The following ADAMTS17 variants were observed in gnomAD, a reference collection of about 807,000 sequenced individuals.
ADAMTS17 encodes the protein A disintegrin and metalloproteinase with thrombospondin motifs 17.
In ADAMTS17, 113 loss-of-function variants were observed where a neutral mutation model predicts 141.5. That is an observed-to-expected ratio of 0.80 (90% CI 0.69 to 0.93). The LOEUF is 0.93. ADAMTS17 is among the 40% of genes least tolerant of loss of function. ADAMTS17 has a pLI of 0.00. For missense variants in ADAMTS17, 1,659 were observed against 1,517.9 expected, an observed-to-expected ratio of 1.09 and a Z score of -1.54; for synonymous variants, 768 against 630.6, an observed-to-expected ratio of 1.22 and a Z score of -3.27.
intron 9 of ADAMTS17, among the ~76,000 whole-genome samples, chr15:100,153,303 T>TG (rs2039275888): frequency 6.6e-6 from 1 of 152,050 alleles, no homozygotes; most frequent in African/African-American, 2.4e-5. Flanking sequence ...GGATTTCAAC[T>TG]GGGGTGGGAG....
chr15:100,301,336 TA>T (rs1567509728), intron 3 of ADAMTS17, among the ~76,000 whole-genome samples: 1 of 148,880 alleles, frequency 6.7e-6, no homozygotes. Context: ...TATATATATA[TA>T]TATTTTTCTG....
chr15:100,004,439 C>T (rs773070257), intron 18 of ADAMTS17, among the ~76,000 whole-genome samples: 1 of 152,162 alleles, frequency 6.6e-6, no homozygotes, highest in African/African-American at 2.4e-5. Flanking sequence ...AGTCAAATCA[C>T]GTTGACTTTA....
At chr15:100,233,220 C>G (rs910236864) in intron 7 of ADAMTS17, among the ~76,000 whole-genome samples, 1 of 151,966 alleles carries the variant, frequency 6.6e-6, no homozygotes, top group Non-Finnish European at 1.5e-5. Context: ...ACCCCAGGTA[C>G]TCAGGATGCT....
At chr15:100,304,665 A>G (rs1255457689) in intron 3 of ADAMTS17, among the ~76,000 whole-genome samples, 2 of 152,156 alleles carry the variant, frequency 1.3e-5, no homozygotes, top group African/African-American at 2.4e-5. Context: ...CCTCACAGTT[A>G]TTCTCATCGC....
chr15:100,175,876 A>G lies in ADAMTS17; in HGVS notation c.1182-20556T>C, dbSNP rs185014435. 3.2e-3 allele frequency among the ~76,000 whole-genome samples: 490 copies of G among 152,144 alleles called. 5 individuals carry two copies. The highest frequency in any genetic ancestry group is 0.012 in the African/African-American group (480 of 41,478). On this transcript the variant is annotated intron_variant, in intron 8 of 21. Coordinates refer to ENST00000268070, the MANE Select transcript of ADAMTS17 (RefSeq NM_139057.4). The stretch of plus-strand genomic sequence containing the variant: ...CCTCCAGTCCCAAGGCAGATTCATC[A>G]TTCTCAATGTCACAGGCATGTAAAC...
chr15:100,173,707 C>T (rs2040239416), intron 8 of ADAMTS17, among the ~76,000 whole-genome samples: 1 of 152,192 alleles, frequency 6.6e-6, no homozygotes, highest in African/African-American at 2.4e-5. Flanking sequence ...TGTAAGCATC[C>T]CACTGTGGCT....
chr15:100,049,018 A>G (rs2031933861), intron 17 of ADAMTS17, 26 bp from the exon 18 acceptor site: 9 of 1,614,162 alleles, frequency 5.6e-6, no homozygotes, highest in Non-Finnish European at 7.6e-6. Flanking sequence ...CAGGGAGCTG[A>G]GAGACTGTGG....
intron 16 of ADAMTS17, among the ~76,000 whole-genome samples, chr15:100,052,112 C>CA (rs2032195196): frequency 6.6e-6 from 1 of 152,242 alleles, no homozygotes; most frequent in Non-Finnish European, 1.5e-5. Flanking sequence ...CCCTTGCAGA[C>CA]AGGAAAGACA....
chr15:100,042,581 T>G (rs988650410), intron 18 of ADAMTS17, among the ~76,000 whole-genome samples: 10 of 152,228 alleles, frequency 6.6e-5, no homozygotes, highest in African/African-American at 2.4e-4. Flanking sequence ...TAGCTTCTTT[T>G]TAGTACATCT....
rs1366382125 is a variant in ADAMTS17, at chr15:100,259,786, G to A, written c.1031+1693C>T. On this transcript the variant is annotated intron_variant, in intron 6 of 21. Transcript: ENST00000268070. Reference sequence around the variant, plus strand: ...CTGGCAATCGACGAACCATCCACAAGAGTGAGCAGGCATCCATTTGGCAAT... The same window carrying A: ...CTGGCAATCGACGAACCATCCACAAAAGTGAGCAGGCATCCATTTGGCAAT... Among the ~76,000 whole-genome samples, 3 of 152,234 alleles carry A rather than the reference G, an allele frequency of 2.0e-5. No individual in the cohort carries two copies. The East Asian group carries it at 5.8e-4, about 29-fold the overall frequency.
intron 13 of ADAMTS17, among the ~76,000 whole-genome samples, chr15:100,113,392 C>G (rs1439812108): frequency 6.6e-6 from 1 of 152,120 alleles, no homozygotes; most frequent in Non-Finnish European, 1.5e-5. Context: ...TGTCAGTATC[C>G]CCCTTAATGA....
chr15:100,147,382 C>G (rs535340660), intron 10 of ADAMTS17, among the ~76,000 whole-genome samples: 2 of 152,290 alleles, frequency 1.3e-5, no homozygotes, highest in South Asian at 4.1e-4. Flanking sequence ...GTGTAAACAT[C>G]ATAGAGTGCA....
At chr15:100,290,798 G>C (rs2044602057) in intron 3 of ADAMTS17, among the ~76,000 whole-genome samples, 2 of 152,098 alleles carry the variant, frequency 1.3e-5, no homozygotes, top group South Asian at 4.1e-4. Context: ...TAACTTATTT[G>C]CAGAAGATTA....
At chr15:100,204,677 G>C (rs1046612050) in intron 7 of ADAMTS17, among the ~76,000 whole-genome samples, 3 of 152,204 alleles carry the variant, frequency 2.0e-5, no homozygotes, top group African/African-American at 7.2e-5. Flanking sequence ...AACTATAAAA[G>C]TCTTAGAAGA....
At chr15:100,084,778 G>A (rs558299138) in intron 15 of ADAMTS17, among the ~76,000 whole-genome samples, 1 of 152,174 alleles carries the variant, frequency 6.6e-6, no homozygotes, top group Non-Finnish European at 1.5e-5. Context: ...CTGTAGCTGA[G>A]GGTCCTCACT....
At chr15:100,282,974 G>T (rs181349293) in intron 3 of ADAMTS17, among the ~76,000 whole-genome samples, 1 of 152,138 alleles carries the variant, frequency 6.6e-6, no homozygotes, top group African/African-American at 2.4e-5. Context: ...ACCAAAATAT[G>T]AATAGTGGTA....
chr15:100,287,919 A>C (rs1194048718), intron 3 of ADAMTS17, among the ~76,000 whole-genome samples: 2 of 152,256 alleles, frequency 1.3e-5, no homozygotes, highest in African/African-American at 4.8e-5. Flanking sequence ...ACTTAAGTAG[A>C]TAGCCATTGA....
chr15:100,160,956 T>C (rs781292353), intron 8 of ADAMTS17, among the ~76,000 whole-genome samples: 25 of 152,246 alleles, frequency 1.6e-4, no homozygotes, highest in Non-Finnish European at 2.8e-4. Context: ...TTAGTTTAAG[T>C]TTATGTCCCA....
At chr15:100,261,928 T>C (rs1016340492) in intron 5 of ADAMTS17, among the ~76,000 whole-genome samples, 7 of 152,208 alleles carry the variant, frequency 4.6e-5, no homozygotes, top group African/African-American at 1.7e-4. Flanking sequence ...CTCAGTCTCA[T>C]GGTGGTGGCT....
Sources: gnomAD v4.1 joint callset for allele counts (sites outside exome capture counted in the v4.1 genomes callset) on GRCh38, gnomAD v4.1.1 for gene constraint, MANE v1.5 for transcripts, NCBI Gene and HGNC (gene_info 2026-07-23, HGNC 2026-07-21) for gene names.